Variants in MAK observed in about 807,000 individuals in gnomAD.
MAK encodes serine/threonine-protein kinase MAK.
Under a neutral mutation model 82.6 loss-of-function variants are expected in MAK, and 65 were observed. The ratio of observed to expected loss-of-function variants is 0.79; its 90% CI spans 0.64 to 0.97. The LOEUF (loss-of-function observed/expected upper bound fraction) is 0.97. Among genes scored for constraint, MAK ranks in the 50% least tolerant of loss-of-function variants. The pLI, the probability that MAK is intolerant of heterozygous loss-of-function variation, is 0.00. For missense variants in MAK, 703 were observed against 780.2 expected, an observed-to-expected ratio of 0.90 and a Z score of 1.18; for synonymous variants, 250 against 274.2, an observed-to-expected ratio of 0.91 and a Z score of 0.87.
At chr6:10,806,332 A>AT (rs1178537806) in intron 6 of MAK, among the ~76,000 whole-genome samples, 1 of 26,584 alleles carries the variant, frequency 3.8e-5, no homozygotes, top group African/African-American at 8.0e-5. Context: ...TGCCTGGCTA[A>AT]TTTTTTTTGT....
chr6:10,784,908 C>T (rs1242205742), intron 10 of MAK: 4 of 495,874 alleles, frequency 8.1e-6, no homozygotes, highest in Non-Finnish European at 1.6e-5. Context: ...GAAATAACAG[C>T]CATCTTCACC....
chr6:10,804,906 A>G (rs566665000), intron 6 of MAK, among the ~76,000 whole-genome samples: 1 of 152,248 alleles, frequency 6.6e-6, no homozygotes, highest in Admixed American at 6.5e-5. Flanking sequence ...AAGAAAAAAA[A>G]AGAAAGGCAT....
chr6:10,831,768 T>A (rs1055741889), intron 1 of MAK, among the ~76,000 whole-genome samples: 3 of 151,964 alleles, frequency 2.0e-5, no homozygotes, highest in African/African-American at 7.3e-5. Context: ...AATTTTTTAA[T>A]AAATAAAAAG....
intron 2 of MAK, among the ~76,000 whole-genome samples, chr6:10,822,146 CA>C (rs751345869): frequency 0.015 from 547 of 36,560 alleles, 2 homozygotes; most frequent in African/African-American, 0.042. Flanking sequence ...GACTCCGTCT[CA>C]AAAAAAAAAA....
At chr6:10,779,972 G>C (rs1358024219) in intron 11 of MAK, among the ~76,000 whole-genome samples, 2 of 152,172 alleles carry the variant, frequency 1.3e-5, no homozygotes, top group African/African-American at 4.8e-5. Flanking sequence ...ACAGGCGTGA[G>C]CCACCGCACC....
intron 1 of MAK, among the ~76,000 whole-genome samples, chr6:10,834,432 C>A (rs905846118): frequency 2.6e-5 from 4 of 152,178 alleles, no homozygotes; most frequent in African/African-American, 9.7e-5. Flanking sequence ...TCTCCAACTT[C>A]TAAACAAGCC....
Position 10,829,890 on chromosome 6 carries a change from G to A in MAK, c.101+658C>T, listed in dbSNP as rs142053240. Among the ~76,000 whole-genome samples the A allele has an allele frequency of 6.8e-3, 1,026 of 151,846 alleles. 10 individuals carry two copies. The highest frequency in any genetic ancestry group is 0.023 in the African/African-American group (966 of 41,354). On this transcript the variant is annotated intron_variant, in intron 2 of 14. Transcript: ENST00000354489. ...CTCCTTCTGTCACCCAGGCTGGAGT[G>A]CAGTGGTGCAATCTCAGCTCACTGC... is the stretch of plus-strand genomic sequence containing the variant.
intron 6 of MAK, among the ~76,000 whole-genome samples, chr6:10,804,545 G>A (rs1776263157): frequency 6.6e-6 from 1 of 152,178 alleles, no homozygotes; most frequent in Non-Finnish European, 1.5e-5. Flanking sequence ...GTTTCCCCAT[G>A]TTGGCCAGGC....
intron 2 of MAK, among the ~76,000 whole-genome samples, chr6:10,822,481 TCATC>T (rs1778037422): frequency 6.6e-6 from 1 of 152,118 alleles, no homozygotes; most frequent in South Asian, 2.1e-4. Flanking sequence ...TGTATTCTCT[TCATC>T]CATCCAGATG....
At chr6:10,773,249 A>G in intron 12 of MAK, 141 bp from the exon 13 acceptor site, 1 of 517,426 alleles carries the variant, frequency 1.9e-6, no homozygotes, top group Non-Finnish European at 3.4e-6. Context: ...TTGTTGTCAC[A>G]GCATTTATTT....
In MAK at chr6:10,784,548, G is replaced by A. The variant is rs775852553; in HGVS notation, c.1341C>T (p.Gly447=). The A allele has an allele frequency of 6.2e-7, 1 of 1,614,184 alleles. No individual in the cohort carries two copies. Among genetic ancestry groups the A allele is most frequent in the East Asian group, 2.2e-5 (1 of 44,886 alleles). The change falls in exon 11 of 15, where the codon GGC becomes GGT. Residue 447 remains glycine, a synonymous_variant. Coordinates refer to ENST00000354489, the MANE Select transcript of MAK (RefSeq NM_001242957.3). ...TGTTTTCCCCTGTCGAGTGGTTGGA[G>A]CCTGAGGGTACTGGCTCTGGAAGCC... ...PFRLPEPVPS[G]SNHSTGENKS...
chr6:10,767,127 G>A (rs1028937379), intron 14 of MAK, among the ~76,000 whole-genome samples: 15 of 152,028 alleles, frequency 9.9e-5, no homozygotes, highest in Admixed American at 9.2e-4. Context: ...GCCTTGCAAT[G>A]CTTGCTCTGT....
intron 14 of MAK, 180 bp downstream of exon 14, chr6:10,769,931 C>A (rs1581637760): frequency 1.7e-6 from 2 of 1,143,314 alleles, no homozygotes; most frequent in African/African-American, 1.6e-5. Context: ...AATTATTAGA[C>A]CCTCAAATCC....
intron 5 of MAK, 32 bp from the exon 6 acceptor site, chr6:10,808,974 TA>T (rs1198085148): frequency 1.3e-6 from 2 of 1,574,204 alleles, no homozygotes; most frequent in Non-Finnish European, 1.7e-6. Flanking sequence ...AAAAATACAG[TA>T]AATCATTACG....
Position 10,782,788 on chromosome 6 carries a change from G to A in MAK, c.1465+1636C>T, listed in dbSNP as rs181273821. Among the ~76,000 whole-genome samples, 486 of 152,202 alleles carry A rather than the reference G, an allele frequency of 3.2e-3. 6 individuals are homozygous for A. The highest frequency in any genetic ancestry group is 0.011 in the African/African-American group (469 of 41,522). ...AGACGGGGTTTCACCATGTTGGTCA[G>A]GCTGGTCTCAAACTCCTGAACTCAG... On this transcript the variant is annotated intron_variant, in intron 11 of 14. Transcript: ENST00000354489.
At chr6:10,822,909 AT>A (rs1778072147) in intron 2 of MAK, among the ~76,000 whole-genome samples, 2 of 152,168 alleles carry the variant, frequency 1.3e-5, no homozygotes, top group Admixed American at 1.3e-4. Flanking sequence ...TTTAAAAAAA[AT>A]TGCAGAAAAG....
intron 6 of MAK, among the ~76,000 whole-genome samples, chr6:10,807,162 C>A (rs371682999): frequency 1.3e-5 from 2 of 151,994 alleles, no homozygotes; most frequent in African/African-American, 4.8e-5. Context: ...TGTCTCAAGG[C>A]TTTTACTCTG....
intron 2 of MAK, chr6:10,826,563 G>A (rs1665446833): frequency 6.6e-6 from 1 of 152,170 alleles, no homozygotes; most frequent in South Asian, 2.1e-4. Flanking sequence ...CTTTGCCTAA[G>A]GTGGAGCACT....
chr6:10,792,930 G>A (rs776259712), intron 9 of MAK, among the ~76,000 whole-genome samples: 6 of 152,172 alleles, frequency 3.9e-5, no homozygotes, highest in African/African-American at 7.2e-5. Context: ...CCTTAGCTGA[G>A]TTTGAGCCTC....
Sources: gnomAD v4.1 joint callset for allele counts (sites outside exome capture counted in the v4.1 genomes callset) on GRCh38, gnomAD v4.1.1 for gene constraint, MANE v1.5 for transcripts, NCBI Gene and HGNC (gene_info 2026-07-23, HGNC 2026-07-21) for gene names.